Variants in TACC2 observed in about 807,000 individuals in gnomAD.
TACC2 encodes the protein transforming acidic coiled-coil-containing protein 2.
A neutral mutation model predicts 227.3 loss-of-function variants in TACC2; 137 were observed. That is an observed-to-expected ratio of 0.60 (90% CI 0.52 to 0.69). TACC2 has a LOEUF of 0.69. Among genes scored for constraint, TACC2 ranks in the 30% least tolerant of loss-of-function variants. TACC2 has a pLI of 0.00. For synonymous variants in TACC2, 1,523 were observed against 1,487.5 expected (o/e 1.02, Z -0.55); for missense variants, 3,470 against 3,694.4 (o/e 0.94, Z 1.57).
chr10:122,109,456 G>A (rs1026759017), intron 5 of TACC2, among the ~76,000 whole-genome samples: 2 of 152,060 alleles, frequency 1.3e-5, no homozygotes, highest in Non-Finnish European at 2.9e-5. Flanking sequence ...ACATTAACCC[G>A]GTGAGTCTTA....
At chr10:122,058,971 C>T (rs1192882903) in intron 3 of TACC2, among the ~76,000 whole-genome samples, 1 of 150,604 alleles carries the variant, frequency 6.6e-6, no homozygotes, top group Admixed American at 6.6e-5. Context: ...CGGCTCACTG[C>T]AACCTCCACC....
intron 1 of TACC2, among the ~76,000 whole-genome samples, chr10:122,007,929 A>C (rs1456288515): frequency 6.6e-6 from 1 of 152,092 alleles, no homozygotes; most frequent in Non-Finnish European, 1.5e-5. Flanking sequence ...ATGAAAGCCA[A>C]TTTGGCGTAC....
chr10:122,140,982 AG>A (rs2090445855), intron 6 of TACC2, among the ~76,000 whole-genome samples: 1 of 152,086 alleles, frequency 6.6e-6, no homozygotes, highest in African/African-American at 2.4e-5. Context: ...CTTGGATCTG[AG>A]GGGACAAAAC....
chr10:122,106,603 T>G (rs764482485), intron 5 of TACC2, among the ~76,000 whole-genome samples: 4 of 152,206 alleles, frequency 2.6e-5, no homozygotes, highest in Non-Finnish European at 5.9e-5. Context: ...GATTTGCCTT[T>G]TGTATTCTGC....
rs1286552880 is a variant in TACC2, at chr10:122,084,526, G to A, written c.2026G>A (p.Gly676Arg). ...CCCCGTCCTGCCCCCTGTGCCAGAT[G>A]GAGCTGGTGAGCCCACTGTTCCCGA... Reference protein sequence around the residue: ...EDPVLPPVPDGAGEPTVPEGA... With the variant: ...EDPVLPPVPDRAGEPTVPEGA... The change falls in exon 4 of 23, where the codon GGA (glycine) becomes AGA (arginine). Residue 676 changes from glycine to arginine, a missense_variant. Gly to Arg is a moderately radical substitution (Grantham distance 125). This residue lies in a region of TACC2 where 1,924 missense variants were observed against 1,978.3 expected (regional missense o/e 0.97). Coordinates refer to ENST00000369005, the MANE Select transcript of TACC2 (RefSeq NM_206862.4). 7 of 1,613,628 alleles carry A rather than the reference G, an allele frequency of 4.3e-6. No homozygotes were observed. The South Asian group carries it at 4.4e-5, about 10-fold the overall frequency.
intron 7 of TACC2, among the ~76,000 whole-genome samples, chr10:122,168,779 T>G (rs1475619940): frequency 2.6e-5 from 4 of 152,202 alleles, no homozygotes; most frequent in Non-Finnish European, 5.9e-5. Flanking sequence ...CTGTGTTTCT[T>G]TCCACTGTCT....
At chr10:122,113,482 G>A (rs1169609066) in intron 5 of TACC2, among the ~76,000 whole-genome samples, 1 of 152,228 alleles carries the variant, frequency 6.6e-6, no homozygotes, top group Non-Finnish European at 1.5e-5. Flanking sequence ...GTGGGAGCGC[G>A]GGGGTCAAAG....
chr10:122,191,487 C>A (rs757064062), intron 7 of TACC2, among the ~76,000 whole-genome samples: 7 of 152,050 alleles, frequency 4.6e-5, no homozygotes, highest in Non-Finnish European at 1.0e-4. Context: ...ACATAAAATA[C>A]ACTAACACTA....
At chr10:122,206,290 C>T (rs1237569939) in intron 8 of TACC2, among the ~76,000 whole-genome samples, 1 of 152,206 alleles carries the variant, frequency 6.6e-6, no homozygotes, top group African/African-American at 2.4e-5. Flanking sequence ...TTCGCTTTCC[C>T]TCAACTTGGG....
At chr10:122,147,790 C>T (rs556426549) in intron 7 of TACC2, among the ~76,000 whole-genome samples, 70 of 152,240 alleles carry the variant, frequency 4.6e-4, no homozygotes, top group African/African-American at 1.7e-3. Context: ...GTGATACGAT[C>T]GGATCTGCAT....
intron 7 of TACC2, among the ~76,000 whole-genome samples, chr10:122,148,097 AT>A (rs1172285538): frequency 0.02 from 2,615 of 131,412 alleles, 55 homozygotes; most frequent in African/African-American, 0.067. Flanking sequence ...CTGAGCCAGA[AT>A]TTTTTTTTTT....
intron 1 of TACC2, among the ~76,000 whole-genome samples, chr10:122,010,361 GT>G (rs60376687): frequency 0.46 from 69,596 of 152,038 alleles, 16,103 homozygotes; most frequent in South Asian, 0.62. Context: ...TAAGAATATG[GT>G]TTTTTGCTAA....
intron 6 of TACC2, 110 bp downstream of exon 6, chr10:122,132,844 T>G: frequency 2.6e-6 from 3 of 1,140,796 alleles, no homozygotes; most frequent in Non-Finnish European, 2.5e-6. Context: ...CTCCTGCAGT[T>G]TCACCCCCTC....
At chr10:122,135,914 G>A (rs1204090040) in intron 6 of TACC2, among the ~76,000 whole-genome samples, 1 of 152,206 alleles carries the variant, frequency 6.6e-6, no homozygotes, top group Non-Finnish European at 1.5e-5. Context: ...TGTTTCAAAT[G>A]AGCCCTAAGC....
At chr10:122,144,051 G>A (rs944242898) in intron 7 of TACC2, among the ~76,000 whole-genome samples, 1 of 152,152 alleles carries the variant, frequency 6.6e-6, no homozygotes, top group Non-Finnish European at 1.5e-5. Flanking sequence ...TAAGGGATTG[G>A]CTCATGTGAT....
At chr10:122,005,975 G>A (rs1004300664) in intron 1 of TACC2, among the ~76,000 whole-genome samples, 3 of 152,108 alleles carry the variant, frequency 2.0e-5, no homozygotes, top group Non-Finnish European at 4.4e-5. Flanking sequence ...GATTATAGGT[G>A]TAAGCTACCA....
At chr10:122,009,904 G>A (rs893663120) in intron 1 of TACC2, among the ~76,000 whole-genome samples, 3 of 152,144 alleles carry the variant, frequency 2.0e-5, no homozygotes, top group Non-Finnish European at 4.4e-5. Flanking sequence ...CCAGCCTGGT[G>A]ACAGAGTGAG....
At chr10:122,032,683 G>A (rs1959129096) in intron 2 of TACC2, among the ~76,000 whole-genome samples, 1 of 152,172 alleles carries the variant, frequency 6.6e-6, no homozygotes, top group African/African-American at 2.4e-5. Flanking sequence ...ACCATGGCCA[G>A]GCACGGTGGC....
At chr10:122,055,077 G>A (rs1229228010) in intron 3 of TACC2, among the ~76,000 whole-genome samples, 1 of 152,060 alleles carries the variant, frequency 6.6e-6, no homozygotes, top group African/African-American at 2.4e-5. Context: ...AAATTTAGCT[G>A]GGTGTAGCGG....
Sources: gnomAD v4.1 joint callset for allele counts (sites outside exome capture counted in the v4.1 genomes callset) on GRCh38, gnomAD v4.1.1 for gene constraint, gnomAD v4.1.1 regional missense constraint, MANE v1.5 for transcripts, NCBI Gene and HGNC (gene_info 2026-07-23, HGNC 2026-07-21) for gene names.